Variants in NRG3 observed in about 807,000 individuals in gnomAD.
The protein encoded by NRG3 is neuregulin 3, also known as pro-neuregulin-3, membrane-bound isoform.
Under a neutral mutation model 66.9 loss-of-function variants are expected in NRG3, and 31 were observed. That is an observed-to-expected ratio of 0.46 (90% CI 0.35 to 0.63). The LOEUF is 0.63. Ranked by LOEUF, NRG3 falls within the 20% of genes least tolerant of loss-of-function variation. The pLI, the probability that NRG3 is intolerant of heterozygous loss-of-function variation, is 0.00. For synonymous variants in NRG3, 393 were observed against 359.4 expected, an observed-to-expected ratio of 1.09 and a Z score of -1.06; for missense variants, 910 against 878.9, an observed-to-expected ratio of 1.04 and a Z score of -0.45.
intron 4 of NRG3, among the ~76,000 whole-genome samples, chr10:82,922,919 C>T (rs886422505): frequency 2.0e-5 from 3 of 152,174 alleles, no homozygotes; most frequent in Non-Finnish European, 2.9e-5. Context: ...GACACCTCCT[C>T]CTCTCTCTCA....
intron 1 of NRG3, among the ~76,000 whole-genome samples, chr10:82,249,951 C>T (rs894915839): frequency 9.9e-5 from 15 of 152,154 alleles, no homozygotes; most frequent in African/African-American, 3.4e-4. Context: ...GCCCTCTAAG[C>T]CCAATGTGAA....
intron 5 of NRG3, among the ~76,000 whole-genome samples, chr10:82,953,569 C>CTTGTTATA (rs1194506020): frequency 6.6e-6 from 1 of 151,972 alleles, no homozygotes; most frequent in Non-Finnish European, 1.5e-5. Context: ...CTGTCATTTA[C>CTTGTTATA]TTGTTATATT....
At chr10:82,778,880 G>A (rs2060010949) in intron 3 of NRG3, among the ~76,000 whole-genome samples, 1 of 152,066 alleles carries the variant, frequency 6.6e-6, no homozygotes, top group Non-Finnish European at 1.5e-5. Flanking sequence ...AGACAGGGGT[G>A]GAGCTCAGCA....
At chr10:82,004,363 A>G (rs1589751278) in intron 1 of NRG3, among the ~76,000 whole-genome samples, 1 of 152,312 alleles carries the variant, frequency 6.6e-6, no homozygotes, top group South Asian at 2.1e-4. Context: ...TCTAGTAGAG[A>G]GAAAGAAACT....
intron 1 of NRG3, among the ~76,000 whole-genome samples, chr10:82,053,583 AG>A (rs761571745): frequency 2.0e-4 from 30 of 151,802 alleles, no homozygotes; most frequent in Non-Finnish European, 2.5e-4. Flanking sequence ...CTTCTTTCCT[AG>A]CATCATCTCT....
intron 1 of NRG3, among the ~76,000 whole-genome samples, chr10:82,083,744 G>A (rs10884144): frequency 0.76 from 114,371 of 151,022 alleles, 43,415 homozygotes; most frequent in Non-Finnish European, 0.8. Flanking sequence ...ACAGGCATGC[G>A]CCACCATGCC....
chr10:82,731,382 A>AGG (rs1555017063), intron 2 of NRG3, among the ~76,000 whole-genome samples: 1 of 145,904 alleles, frequency 6.9e-6, no homozygotes, highest in South Asian at 2.1e-4. Flanking sequence ...AAAAAAAAAA[A>AGG]AAAAGAAAAT....
At chr10:82,784,395 A>G (rs2060254362) in intron 3 of NRG3, among the ~76,000 whole-genome samples, 1 of 151,408 alleles carries the variant, frequency 6.6e-6, no homozygotes, top group African/African-American at 2.4e-5. Flanking sequence ...GCACAGCAAA[A>G]GAAACTACCA....
In NRG3 at chr10:82,626,828, G is replaced by A. The variant is rs548491423; in HGVS notation, c.954-111749G>A. Among the ~76,000 whole-genome samples, 4 of 152,016 alleles carry A rather than the reference G, an allele frequency of 2.6e-5. No homozygotes were observed. The East Asian group carries it at 7.8e-4, about 30-fold the overall frequency. On this transcript the variant is annotated intron_variant, in intron 2 of 8. Transcript: ENST00000372141. ...TTTCTTGGTACCTCTCTTCTTCCTG[G>A]TTCTGCCAATACTGAGTTTCCTCTA...
intron 1 of NRG3, among the ~76,000 whole-genome samples, chr10:82,186,057 GTGTC>G (rs1313392477): frequency 1.3e-5 from 2 of 152,098 alleles, no homozygotes; most frequent in African/African-American, 2.4e-5. Context: ...TCATGTCTAA[GTGTC>G]TGTGTGGGCA....
intron 3 of NRG3, among the ~76,000 whole-genome samples, chr10:82,864,050 T>G (rs1407139001): frequency 1.3e-5 from 2 of 152,000 alleles, no homozygotes; most frequent in African/African-American, 2.4e-5. Flanking sequence ...ATAAGGCAAA[T>G]TGATAAGGAT....
chr10:82,460,386 A>G (rs2091458416), intron 2 of NRG3, among the ~76,000 whole-genome samples: 2 of 152,240 alleles, frequency 1.3e-5, no homozygotes. Context: ...TGACTTACAA[A>G]TCATGTCTAC....
intron 1 of NRG3, chr10:82,230,274 C>T (rs1188161002): frequency 3.3e-5 from 5 of 152,096 alleles, no homozygotes; most frequent in African/African-American, 9.7e-5. Context: ...CCAGAAGATA[C>T]CAGAATTCAC....
In NRG3 at chr10:81,875,987, C is replaced by T; in HGVS notation, c.647C>T (p.Pro216Leu). Reference protein sequence around the residue: ...LGSRPPVPGTPSTQAMPSWPT... With the variant: ...LGSRPPVPGTLSTQAMPSWPT... ...TCCCGACCCCCGGTGCCAGGAACTC[C>T]AAGTACCCAGGCAATGCCCTCCTGG... The change falls in exon 1 of 9, where the codon CCA becomes CTA. Residue 216 changes from proline to leucine, a missense_variant. Transcript: ENST00000372141. The surrounding 1 kb of genome is among the most constrained non-coding windows in gnomAD (Gnocchi z 5.3). 6.2e-7 allele frequency: 1 copy of T among 1,614,078 alleles called. No individual in the cohort carries two copies. Among genetic ancestry groups the T allele is most frequent in the Non-Finnish European group, 8.5e-7 (1 of 1,180,030 alleles).
chr10:82,059,358 C>T lies in NRG3; in HGVS notation c.823+183195C>T, dbSNP rs116918159. Among the ~76,000 whole-genome samples, 1,438 of 152,202 alleles carry T rather than the reference C, an allele frequency of 9.4e-3. 59 individuals carry two copies. The highest frequency in any genetic ancestry group is 0.066 in the East Asian group (340 of 5,154). ...TAGTAAATGTGGAAGGACACAGATA[C>T]ACTCAGTAGATATTTCAGGGTGAAT... On this transcript the variant is annotated intron_variant, in intron 1 of 8. Coordinates refer to ENST00000372141, the MANE Select transcript of NRG3 (RefSeq NM_001010848.4).
intron 3 of NRG3, among the ~76,000 whole-genome samples, chr10:82,773,585 T>G (rs1441527561): frequency 6.6e-6 from 1 of 152,184 alleles, no homozygotes; most frequent in East Asian, 1.9e-4. Flanking sequence ...AGATTTTTAG[T>G]TTAATATAGA....
At chr10:82,351,298 T>G (rs1188524028) in intron 1 of NRG3, among the ~76,000 whole-genome samples, 1 of 152,190 alleles carries the variant, frequency 6.6e-6, no homozygotes, top group East Asian at 1.9e-4. Context: ...GAAGTTCATA[T>G]AAAGACACAT....
chr10:82,774,791 T>A (rs1240298648), intron 3 of NRG3, among the ~76,000 whole-genome samples: 1 of 150,140 alleles, frequency 6.7e-6, no homozygotes, highest in Non-Finnish European at 1.5e-5. Flanking sequence ...TCCTTTTTAT[T>A]CCCCAGTTTT....
At chr10:82,494,709 G>T (rs1843457773) in intron 2 of NRG3, among the ~76,000 whole-genome samples, 1 of 152,094 alleles carries the variant, frequency 6.6e-6, no homozygotes, top group Admixed American at 6.6e-5. Flanking sequence ...GTAAGTGAAA[G>T]AATTGAACTA....
Sources: gnomAD v4.1 joint callset for allele counts (sites outside exome capture counted in the v4.1 genomes callset) on GRCh38, gnomAD v4.1.1 for gene constraint, Gnocchi (gnomAD v3.1) non-coding constraint, MANE v1.5 for transcripts, NCBI Gene and HGNC (gene_info 2026-07-23, HGNC 2026-07-21) for gene names.